SEPTIN9: variants seen among roughly 807,000 people sequenced by gnomAD.
SEPTIN9 encodes septin-9.
In SEPTIN9, 13 loss-of-function variants were observed where a neutral mutation model predicts 56.6. The observed-to-expected ratio is 0.23, with a 90% CI of 0.15 to 0.37. The LOEUF is 0.37. SEPTIN9 is among the 10% of genes least tolerant of loss of function. The pLI is 1.00. For synonymous variants in SEPTIN9, 332 were observed against 334.1 expected (o/e 0.99, Z 0.07); for missense variants, 650 against 823.1 (o/e 0.79, Z 2.57).
chr17:77,399,162 T>C (rs538758834), intron 2 of SEPTIN9, among the ~76,000 whole-genome samples: 2 of 152,264 alleles, frequency 1.3e-5, no homozygotes, highest in Admixed American at 6.5e-5. Context: ...ATCCGCACCG[T>C]AGACTCAATC....
intron 1 of SEPTIN9, chr17:77,281,765 G>T: frequency 1.9e-6 from 1 of 515,724 alleles, no homozygotes; most frequent in Non-Finnish European, 3.4e-6. Context: ...TCCAGCCCTT[G>T]CTCGAGTGTC....
chr17:77,409,543 G>T (rs1317055959), intron 3 of SEPTIN9, among the ~76,000 whole-genome samples: 1 of 152,212 alleles, frequency 6.6e-6, no homozygotes, highest in African/African-American at 2.4e-5. Flanking sequence ...GCTGGGGGCG[G>T]TTTCTCTGCT....
rs984911501 is a variant in SEPTIN9, at chr17:77,319,943, C to T, written c.76+12746C>T. On this transcript the variant is annotated intron_variant, in intron 2 of 11. Transcript: ENST00000427177. The surrounding 1 kb of genome is among the most constrained non-coding windows in gnomAD (Gnocchi z 5.3). Reference sequence around the variant, plus strand: ...CCGCACTCGGGACCTCTGCAGCCACCGACCAGACCGGGCGGCCGGGACTCT... The same window carrying T: ...CCGCACTCGGGACCTCTGCAGCCACTGACCAGACCGGGCGGCCGGGACTCT... 15 of 1,152,992 alleles carry T rather than the reference C, an allele frequency of 1.3e-5. No homozygotes were observed. The African/African-American group carries it at 1.4e-4, about 11-fold the overall frequency. 71.4% of individuals were successfully genotyped at this position (1,152,992 alleles called of 1,614,324 possible).
rs761487397 is a variant in SEPTIN9, at chr17:77,402,253, C to A, written c.271C>A (p.Arg91=). The stretch of plus-strand genomic sequence containing the variant: ...CCAACGCTCCCCCAAGGCGTCCCTG[C>A]GGAGGGTGGAGCTCTCGGGCCCCAA... ...LSQRSPKASL[R]RVELSGPKAA... The change falls in exon 3 of 12, where the codon CGG becomes AGG. Residue 91 remains arginine, a synonymous_variant. Coordinates refer to ENST00000427177, the MANE Select transcript of SEPTIN9 (RefSeq NM_001113491.2). The surrounding 1 kb of genome is among the most constrained non-coding windows in gnomAD (Gnocchi z 6.6). 6.2e-7 allele frequency: 1 copy of A among 1,613,056 alleles called. No homozygotes were observed. The highest frequency in any genetic ancestry group is 8.5e-7 in the Non-Finnish European group (1 of 1,179,856).
chr17:77,321,514 C>T (rs1267437968), intron 2 of SEPTIN9, among the ~76,000 whole-genome samples: 1 of 151,908 alleles, frequency 6.6e-6, no homozygotes, highest in East Asian at 1.9e-4. Flanking sequence ...ATTCTCCTGC[C>T]TCAGCCTCCC....
At chr17:77,495,182 G>T (rs564884829) in intron 10 of SEPTIN9, among the ~76,000 whole-genome samples, 1,019 of 65,138 alleles carry the variant, frequency 0.016, 27 homozygotes, top group Non-Finnish European at 0.019. Flanking sequence ...AAATGCACAA[G>T]AGAGAGGTCC....
At chr17:77,428,739 G>A (rs1379478294) in intron 3 of SEPTIN9, among the ~76,000 whole-genome samples, 1 of 152,156 alleles carries the variant, frequency 6.6e-6, no homozygotes, top group Non-Finnish European at 1.5e-5. Flanking sequence ...GGAGGGCTGT[G>A]GGGTCAGCAG....
At chr17:77,299,290 A>C (rs1163329004) in intron 1 of SEPTIN9, among the ~76,000 whole-genome samples, 2 of 152,198 alleles carry the variant, frequency 1.3e-5, no homozygotes, top group African/African-American at 4.8e-5. Flanking sequence ...CTCCTCTGTC[A>C]ATCCATCACT....
Position 77,435,798 on chromosome 17 carries a change from G to A in SEPTIN9, c.721+33095G>A, listed in dbSNP as rs2037314909. Among the ~76,000 whole-genome samples the A allele has an allele frequency of 6.6e-6, 1 of 152,254 alleles. No homozygotes were observed. The highest frequency in any genetic ancestry group is 2.1e-4 in the South Asian group (1 of 4,836). On this transcript the variant is annotated intron_variant, in intron 3 of 11. Coordinates refer to ENST00000427177, the MANE Select transcript of SEPTIN9 (RefSeq NM_001113491.2). The surrounding 1 kb of genome is among the most constrained non-coding windows in gnomAD (Gnocchi z 4.5). ...AGCATGTCGCCTTCATCCCAGGACAGTGTGAATGCAGCAGCGCAAGCTTGC... is the reference window on the plus strand; with the variant it reads ...AGCATGTCGCCTTCATCCCAGGACAATGTGAATGCAGCAGCGCAAGCTTGC...
chr17:77,385,916 G>A (rs2035320291), intron 2 of SEPTIN9, among the ~76,000 whole-genome samples: 1 of 152,332 alleles, frequency 6.6e-6, no homozygotes, highest in Non-Finnish European at 1.5e-5. Context: ...CTGCTGGCCC[G>A]AGCTAGTGTG....
chr17:77,401,960 G>A (rs1242329989), intron 2 of SEPTIN9, 99 bp from the exon 3 acceptor site: 14 of 1,288,266 alleles, frequency 1.1e-5, no homozygotes, highest in Admixed American at 8.9e-5. Flanking sequence ...CCTCACCGCC[G>A]CATCGCCTGC....
intron 1 of SEPTIN9, among the ~76,000 whole-genome samples, chr17:77,288,731 G>C (rs1622699): frequency 0.6 from 91,329 of 152,134 alleles, 29,717 homozygotes; most frequent in South Asian, 0.76. Context: ...GGATTTGGAG[G>C]GTTGTCTGCA....
rs2144403181 is a variant in SEPTIN9, at chr17:77,450,763, A to C, written c.722-31381A>C. ...GGAGCTGGATCAGATCTGAATCCAG[A>C]GGCTCTCGGAGGAAGAGCTCAGGGT... On this transcript the variant is annotated intron_variant, in intron 3 of 11. Coordinates refer to ENST00000427177, the MANE Select transcript of SEPTIN9 (RefSeq NM_001113491.2). The surrounding 1 kb of genome is among the most constrained non-coding windows in gnomAD (Gnocchi z 6.0). 1.0e-6 allele frequency: 1 copy of C among 985,902 alleles called. No homozygotes were observed. The highest frequency in any genetic ancestry group is 6.1e-5 in the Admixed American group (1 of 16,286). 61.1% of individuals were successfully genotyped at this position (985,902 alleles called of 1,614,324 possible). A position where few individuals can be genotyped will look rare whatever the true frequency, so the allele number is the denominator to read the frequency against.
chr17:77,295,438 C>A (rs1239494221), intron 1 of SEPTIN9, among the ~76,000 whole-genome samples: 1 of 151,982 alleles, frequency 6.6e-6, no homozygotes, highest in African/African-American at 2.4e-5. Flanking sequence ...CACAGAGGAC[C>A]ACCTCTCCTG....
chr17:77,309,380 C>A (rs1430019465), intron 2 of SEPTIN9, among the ~76,000 whole-genome samples: 5 of 152,256 alleles, frequency 3.3e-5, no homozygotes, highest in African/African-American at 9.6e-5. Context: ...CCTCTGTGGG[C>A]CTCTGTGGGC....
In SEPTIN9 at chr17:77,475,843, C is replaced by A; in HGVS notation, c.722-6301C>A. On this transcript the variant is annotated intron_variant, in intron 3 of 11. Transcript: ENST00000427177. The surrounding 1 kb of genome is among the most constrained non-coding windows in gnomAD (Gnocchi z 4.6). ...CCTGGTCAGTGGCTTCACAGGCCTC[C>A]GTGGGCAGGAGGAGGATGACCTTGC... The A allele has an allele frequency of 6.2e-7, 1 of 1,613,534 alleles. No homozygotes were observed. The highest frequency in any genetic ancestry group is 1.1e-5 in the South Asian group (1 of 91,078).
intron 2 of SEPTIN9, among the ~76,000 whole-genome samples, chr17:77,381,298 T>A (rs796562286): frequency 3.9e-5 from 6 of 152,168 alleles, no homozygotes; most frequent in African/African-American, 1.4e-4. Context: ...GCCTCTCCCC[T>A]CCCCCAGGCA....
intron 1 of SEPTIN9, among the ~76,000 whole-genome samples, chr17:77,290,594 G>A (rs911856240): frequency 6.6e-6 from 1 of 151,610 alleles, no homozygotes; most frequent in Non-Finnish European, 1.5e-5. Flanking sequence ...TTGAGAGGCC[G>A]AGGCGGGCAG....
At chr17:77,365,870 T>C (rs575601065) in intron 2 of SEPTIN9, among the ~76,000 whole-genome samples, 2 of 152,246 alleles carry the variant, frequency 1.3e-5, no homozygotes, top group South Asian at 4.1e-4. Flanking sequence ...CTTCTCTGCT[T>C]GAGTCCCTGT....
Sources: allele counts gnomAD v4.1 joint callset (sites outside exome capture counted in the v4.1 genomes callset), GRCh38; gene constraint gnomAD v4.1.1; non-coding constraint Gnocchi (gnomAD v3.1); transcripts MANE v1.5; gene names NCBI Gene and HGNC (gene_info 2026-07-23, HGNC 2026-07-21).